AGBL4: variants seen among roughly 807,000 people sequenced by gnomAD.
The protein encoded by AGBL4 is cytosolic carboxypeptidase 6.
AGBL4 carries 58 observed loss-of-function variants against 66.4 expected under a neutral mutation model. The observed-to-expected ratio is 0.87, with a 90% CI of 0.71 to 1.09. The LOEUF (loss-of-function observed/expected upper bound fraction) is 1.09. Among genes scored for constraint, AGBL4 ranks in the 50% least tolerant of loss-of-function variants. AGBL4 has a pLI of 0.00. For synonymous variants in AGBL4, 234 were observed against 222.9 expected, an observed-to-expected ratio of 1.05 and a Z score of -0.44; for missense variants, 579 against 631.0, an observed-to-expected ratio of 0.92 and a Z score of 0.88.
At chr1:49,215,757 C>T (rs1332756264) in intron 4 of AGBL4, among the ~76,000 whole-genome samples, 4 of 152,194 alleles carry the variant, frequency 2.6e-5, no homozygotes, top group Non-Finnish European at 5.9e-5. Context: ...GCTTCATCAT[C>T]CCTTTCTTGT....
intron 9 of AGBL4, among the ~76,000 whole-genome samples, chr1:48,604,491 C>T (rs757465782): frequency 1.3e-4 from 19 of 151,860 alleles, no homozygotes; most frequent in Non-Finnish European, 7.4e-5. Flanking sequence ...ATGTGTTTTC[C>T]GTATAAATAG....
chr1:48,929,526 A>G (rs1365727715), intron 5 of AGBL4, among the ~76,000 whole-genome samples: 1 of 152,142 alleles, frequency 6.6e-6, no homozygotes, highest in Non-Finnish European at 1.5e-5. Context: ...AGATTTTCCT[A>G]TTATTTCTCT....
intron 3 of AGBL4, among the ~76,000 whole-genome samples, chr1:49,265,221 G>A (rs1405905570): frequency 2.6e-5 from 4 of 152,062 alleles, no homozygotes; most frequent in African/African-American, 9.7e-5. Flanking sequence ...TGAGACTAAC[G>A]CTTGGCACTT....
chr1:48,971,360 C>A (rs935641013), intron 5 of AGBL4, among the ~76,000 whole-genome samples: 13 of 152,062 alleles, frequency 8.5e-5, no homozygotes, highest in African/African-American at 3.1e-4. Context: ...TATCCTGAAA[C>A]CATCTCCCCC....
intron 4 of AGBL4, among the ~76,000 whole-genome samples, chr1:49,234,662 A>G (rs1258034438): frequency 6.6e-6 from 1 of 152,012 alleles, no homozygotes; most frequent in East Asian, 1.9e-4. Context: ...TGCCTCCCTA[A>G]GTCTTCATTT....
chr1:49,552,599 G>T (rs1451076581), intron 3 of AGBL4, among the ~76,000 whole-genome samples: 1 of 152,192 alleles, frequency 6.6e-6, no homozygotes, highest in African/African-American at 2.4e-5. Flanking sequence ...GTGTCCTTGG[G>T]AGAGGAGGCT....
At chr1:49,580,877 G>C (rs1644529494) in intron 3 of AGBL4, among the ~76,000 whole-genome samples, 1 of 152,062 alleles carries the variant, frequency 6.6e-6, no homozygotes. Flanking sequence ...CCTAAAAATT[G>C]TTGTGCCTCC....
intron 4 of AGBL4, chr1:49,187,627 G>A (rs1647038547): frequency 6.6e-6 from 1 of 151,986 alleles, no homozygotes; most frequent in South Asian, 2.1e-4. Context: ...TCACTCCTTT[G>A]CTTAAAATTC....
intron 6 of AGBL4, among the ~76,000 whole-genome samples, chr1:48,694,990 G>T (rs1467276989): frequency 6.6e-6 from 1 of 152,088 alleles, no homozygotes; most frequent in East Asian, 1.9e-4. Context: ...CCTCTCTCCA[G>T]TTACACTCCT....
At chr1:48,823,196 C>T (rs578255792) in intron 6 of AGBL4, among the ~76,000 whole-genome samples, 1 of 152,196 alleles carries the variant, frequency 6.6e-6, no homozygotes, top group African/African-American at 2.4e-5. Flanking sequence ...GTGTGTTTTA[C>T]AGTAGGCACA....
At chr1:48,573,139 G>T (rs1196905948) in intron 11 of AGBL4, among the ~76,000 whole-genome samples, 1 of 152,156 alleles carries the variant, frequency 6.6e-6, no homozygotes. Context: ...AGAGCAACAT[G>T]CTTCCAACTT....
chr1:49,354,244 A>G (rs191875450), intron 3 of AGBL4, among the ~76,000 whole-genome samples: 1 of 152,240 alleles, frequency 6.6e-6, no homozygotes, highest in African/African-American at 2.4e-5. Context: ...ATGAGCCACA[A>G]CATTGTCGCA....
chr1:49,863,015 A>G (rs1646612381), intron 1 of AGBL4, among the ~76,000 whole-genome samples: 1 of 152,220 alleles, frequency 6.6e-6, no homozygotes. Context: ...TTTTAACATT[A>G]TAACATAGAA....
chr1:49,264,324 C>G (rs1352036592), intron 3 of AGBL4, among the ~76,000 whole-genome samples: 2 of 152,004 alleles, frequency 1.3e-5, no homozygotes, highest in Non-Finnish European at 2.9e-5. Context: ...ATTTAAATAA[C>G]TTTAATTCAT....
chr1:49,568,123 T>C (rs541279394), intron 3 of AGBL4, among the ~76,000 whole-genome samples: 7 of 152,128 alleles, frequency 4.6e-5, no homozygotes, highest in African/African-American at 1.7e-4. Flanking sequence ...CTAGATAGTA[T>C]TGGAATACCT....
rs181771454 is a variant in AGBL4 at position 49,194,889 on chromosome 1, C to G, written c.377+50881G>C. 5.4e-3 allele frequency among the ~76,000 whole-genome samples: 811 copies of G among 151,352 alleles called. 2 individuals carry two copies. The highest frequency in any genetic ancestry group is 8.6e-3 in the Admixed American group (131 of 15,186). On this transcript the variant is annotated intron_variant, in intron 4 of 13. Coordinates refer to ENST00000371839, the MANE Select transcript of AGBL4 (RefSeq NM_032785.4). ...GTATTTCTCTGTCTCCCAGGCTAGA[C>G]TGCAGTGGTGTGATAATAGCTCACT...
intron 6 of AGBL4, among the ~76,000 whole-genome samples, chr1:48,781,192 C>T (rs956800037): frequency 2.6e-5 from 4 of 151,930 alleles, no homozygotes; most frequent in Admixed American, 1.3e-4. Context: ...AAAGAACAGA[C>T]GATGGACCCG....
intron 5 of AGBL4, among the ~76,000 whole-genome samples, chr1:49,012,717 A>G (rs748488791): frequency 5.9e-5 from 9 of 152,198 alleles, no homozygotes; most frequent in Non-Finnish European, 1.2e-4. Flanking sequence ...CCTCAGTTCC[A>G]AAGCAAACTC....
intron 6 of AGBL4, among the ~76,000 whole-genome samples, chr1:48,844,760 T>A (rs759044801): frequency 6.6e-6 from 1 of 152,208 alleles, no homozygotes; most frequent in Admixed American, 6.5e-5. Flanking sequence ...TATATTTAAG[T>A]CAACAGTGAC....
Sources: allele counts gnomAD v4.1 joint callset (sites outside exome capture counted in the v4.1 genomes callset), GRCh38; gene constraint gnomAD v4.1.1; transcripts MANE v1.5; gene names NCBI Gene and HGNC (gene_info 2026-07-23, HGNC 2026-07-21).